Variants in FRMD4B observed in about 807,000 individuals in gnomAD.
The protein encoded by FRMD4B is FERM domain containing 4B, also known as FERM domain-containing protein 4B.
A neutral mutation model predicts 141.5 loss-of-function variants in FRMD4B; 74 were observed. The ratio of observed to expected loss-of-function variants is 0.52; its 90% confidence interval spans 0.43 to 0.63. FRMD4B has a LOEUF of 0.63. Among genes scored for constraint, FRMD4B ranks in the 30% least tolerant of loss-of-function variants. The probability of loss-of-function intolerance (pLI) is 0.00; values close to 1 mark genes in which losing one functional copy is unlikely to be tolerated. For synonymous variants in FRMD4B, 506 were observed against 467.9 expected (o/e 1.08, Z -1.05); for missense variants, 1,366 against 1,253.4 (o/e 1.09, Z -1.36).
intron 1 of FRMD4B, among the ~76,000 whole-genome samples, chr3:69,476,371 A>G (rs1705998874): frequency 6.6e-6 from 1 of 152,092 alleles, no homozygotes; most frequent in Non-Finnish European, 1.5e-5. Context: ...ATCTTGAATT[A>G]ATTTTTTTAT....
intron 1 of FRMD4B, among the ~76,000 whole-genome samples, chr3:69,462,262 T>A (rs963201761): frequency 6.6e-6 from 1 of 152,198 alleles, no homozygotes; most frequent in Non-Finnish European, 1.5e-5. Context: ...TGCCTCAGAA[T>A]GTTCCCATGG....
At chr3:69,541,789 T>TTCCC (rs1553652262) in intron 1 of FRMD4B, among the ~76,000 whole-genome samples, 13 of 148,412 alleles carry the variant, frequency 8.8e-5, no homozygotes, top group Admixed American at 2.7e-4. Flanking sequence ...TCCAGGGATT[T>TTCCC]CCCCCCCCTC....
At chr3:69,421,147 T>C (rs1345345326) in intron 2 of FRMD4B, among the ~76,000 whole-genome samples, 1 of 152,180 alleles carries the variant, frequency 6.6e-6, no homozygotes, top group Non-Finnish European at 1.5e-5. Flanking sequence ...TACACCCAGG[T>C]GCTACTTGGT....
At chr3:69,190,329 A>C (rs748317832) in intron 17 of FRMD4B, among the ~76,000 whole-genome samples, 2 of 152,204 alleles carry the variant, frequency 1.3e-5, no homozygotes, top group Non-Finnish European at 2.9e-5. Context: ...AATGTTAAAT[A>C]AAACACATTT....
intron 19 of FRMD4B, among the ~76,000 whole-genome samples, chr3:69,185,328 A>T (rs892353861): frequency 1.3e-5 from 2 of 151,748 alleles, no homozygotes; most frequent in African/African-American, 4.8e-5. Context: ...AAAAGAAAAA[A>T]AGAAGAAACA....
chr3:69,290,957 T>C (rs369945240), intron 4 of FRMD4B, among the ~76,000 whole-genome samples: 363 of 152,264 alleles, frequency 2.4e-3, no homozygotes, highest in African/African-American at 8.4e-3. Context: ...GTCTCAACCA[T>C]GTAAAAAATA....
At chr3:69,293,198 C>T (rs1292337768) in intron 4 of FRMD4B, 1 of 263,068 alleles carries the variant, frequency 3.8e-6, no homozygotes, top group Non-Finnish European at 7.7e-6. Context: ...AGCACAACAC[C>T]CAGTTGTTTG....
At chr3:69,208,341 G>A (rs1331784952) in intron 11 of FRMD4B, among the ~76,000 whole-genome samples, 1 of 152,096 alleles carries the variant, frequency 6.6e-6, no homozygotes, top group Non-Finnish European at 1.5e-5. Flanking sequence ...TGGGATTATA[G>A]GCATGAGCCA....
At chr3:69,501,666 G>A (rs1706499628) in intron 1 of FRMD4B, among the ~76,000 whole-genome samples, 4 of 152,142 alleles carry the variant, frequency 2.6e-5, no homozygotes, top group African/African-American at 7.2e-5. Flanking sequence ...ACATAGTGTT[G>A]GAAGTCCTGG....
At chr3:69,198,037 T>C (rs2092926261) in intron 12 of FRMD4B, 1 of 151,858 alleles carries the variant, frequency 6.6e-6, no homozygotes, top group Non-Finnish European at 1.5e-5. Context: ...GGCATGAGCA[T>C]CACCTGAACC....
intron 5 of FRMD4B, among the ~76,000 whole-genome samples, chr3:69,260,659 G>A (rs968919374): frequency 6.6e-6 from 1 of 152,248 alleles, no homozygotes; most frequent in Non-Finnish European, 1.5e-5. Flanking sequence ...GGGACTGGCG[G>A]GAAACTCTGC....
intron 10 of FRMD4B, among the ~76,000 whole-genome samples, chr3:69,216,837 A>G (rs1195717773): frequency 2.6e-5 from 4 of 152,230 alleles, no homozygotes; most frequent in African/African-American, 7.2e-5. Context: ...GTTTCTTCAA[A>G]TAAAATCTTT....
At chr3:69,188,758 C>T (rs1388716173) in intron 18 of FRMD4B, among the ~76,000 whole-genome samples, 2 of 77,226 alleles carry the variant, frequency 2.6e-5, no homozygotes, top group East Asian at 6.7e-4. Flanking sequence ...AGCGAGACTC[C>T]GTCTCAAAAA....
intron 7 of FRMD4B, among the ~76,000 whole-genome samples, chr3:69,248,982 CAG>C (rs1491343512): frequency 1.3e-5 from 2 of 152,094 alleles, no homozygotes; most frequent in African/African-American, 4.8e-5. Context: ...TGACAGAAAA[CAG>C]AACTTTGGAG....
At chr3:69,499,666 A>T (rs1706460463) in intron 1 of FRMD4B, among the ~76,000 whole-genome samples, 1 of 152,134 alleles carries the variant, frequency 6.6e-6, no homozygotes, top group Non-Finnish European at 1.5e-5. Context: ...CTATCTTATT[A>T]TTCTATCTGC....
intron 2 of FRMD4B, among the ~76,000 whole-genome samples, chr3:69,431,305 T>C (rs1018297197): frequency 1.3e-5 from 2 of 152,226 alleles, no homozygotes; most frequent in African/African-American, 4.8e-5. Flanking sequence ...AATAAGAGTT[T>C]GTTTGAGAAG....
At chr3:69,521,785 C>T (rs1425375802) in intron 1 of FRMD4B, among the ~76,000 whole-genome samples, 2 of 152,200 alleles carry the variant, frequency 1.3e-5, no homozygotes, top group African/African-American at 4.8e-5. Context: ...ACCCCGCAGA[C>T]ATTCCCATGG....
At chr3:69,276,364 C>T (rs4855375) in intron 5 of FRMD4B, among the ~76,000 whole-genome samples, 138,189 of 152,046 alleles carry the variant, frequency 0.91, 63,320 homozygotes, top group Non-Finnish European at 0.97. Flanking sequence ...CCTGAAATTC[C>T]TGGGCTCAAG....
At chr3:69,494,922 G>A (rs189717521) in intron 1 of FRMD4B, among the ~76,000 whole-genome samples, 7 of 150,238 alleles carry the variant, frequency 4.7e-5, no homozygotes, top group Admixed American at 3.3e-4. Context: ...AGGAAAGGAA[G>A]GGAAGGGAGG....
Sources: gnomAD v4.1 joint callset for allele counts (sites outside exome capture counted in the v4.1 genomes callset) on GRCh38, gnomAD v4.1.1 for gene constraint, MANE v1.5 for transcripts, NCBI Gene and HGNC (gene_info 2026-07-23, HGNC 2026-07-21) for gene names.